Variants in SLC14A2 observed in about 807,000 individuals in gnomAD.
The protein encoded by SLC14A2 is solute carrier family 14 member 2, also known as urea transporter 2.
Under a neutral mutation model 104.6 loss-of-function variants are expected in SLC14A2, and 91 were observed. The ratio of observed to expected loss-of-function variants is 0.87; its 90% CI spans 0.73 to 1.04. The LOEUF is 1.04. SLC14A2 is among the 50% of genes least tolerant of loss of function. The probability of loss-of-function intolerance (pLI) is 0.00; values close to 1 mark genes in which losing one functional copy is unlikely to be tolerated. For missense variants in SLC14A2, 1,189 were observed against 1,156.0 expected (o/e 1.03, Z -0.41); for synonymous variants, 476 against 466.4 (o/e 1.02, Z -0.27).
chr18:45,331,726 A>C (rs1022193575), intron 1 of SLC14A2, among the ~76,000 whole-genome samples: 1 of 152,144 alleles, frequency 6.6e-6, no homozygotes, highest in African/African-American at 2.4e-5. Flanking sequence ...TCAAACATAC[A>C]TAAAATAGAA....
intron 1 of SLC14A2, among the ~76,000 whole-genome samples, chr18:45,241,014 G>T (rs2084310337): frequency 6.6e-6 from 1 of 152,180 alleles, no homozygotes; most frequent in Non-Finnish European, 1.5e-5. Flanking sequence ...TGGCTCTAGA[G>T]ACTTGCTCCT....
intron 1 of SLC14A2, among the ~76,000 whole-genome samples, chr18:45,290,107 A>T (rs2084854847): frequency 9.1e-6 from 1 of 109,648 alleles, no homozygotes; most frequent in Admixed American, 8.5e-5. Flanking sequence ...TTCTTTTGTA[A>T]AAAAAACGTT....
rs2084669761 is a variant in SLC14A2 at position 45,273,301 on chromosome 18, A to G, written c.-125+60110A>G. On this transcript the variant is annotated intron_variant, in intron 1 of 20. Coordinates refer to the SLC14A2 transcript ENST00000586448. ...AATAATTTTCTCAAAATAGTCCCAGAAGTCTTGTAACTGCCTTGTTGGCTC... is the reference window on the plus strand; with the variant it reads ...AATAATTTTCTCAAAATAGTCCCAGGAGTCTTGTAACTGCCTTGTTGGCTC... Among the ~76,000 whole-genome samples, 3 of 152,134 alleles carry G rather than the reference A, an allele frequency of 2.0e-5. No homozygotes were observed. In the South Asian group the frequency reaches 6.2e-4, roughly 31 times the overall value.
chr18:45,256,447 T>A (rs956481180), intron 1 of SLC14A2, among the ~76,000 whole-genome samples: 1 of 152,174 alleles, frequency 6.6e-6, no homozygotes, highest in Non-Finnish European at 1.5e-5. Flanking sequence ...TCCTGATAGG[T>A]GTGTTGTGCA....
At chr18:45,189,406 C>A in the SLC14A2 span, among the ~76,000 whole-genome samples, 1 of 152,240 alleles carries the variant, frequency 6.6e-6, no homozygotes, top group Non-Finnish European at 1.5e-5. Context: ...TGGCTTGTTA[C>A]AATACACCAA....
chr18:45,655,968 G>C (rs2045828728), intron 10 of SLC14A2, among the ~76,000 whole-genome samples: 1 of 152,134 alleles, frequency 6.6e-6, no homozygotes, highest in African/African-American at 2.4e-5. Flanking sequence ...TCAGCTGTGT[G>C]GCCTCAGGTA....
chr18:45,309,513 G>A (rs2085056779), intron 1 of SLC14A2, among the ~76,000 whole-genome samples: 1 of 151,906 alleles, frequency 6.6e-6, no homozygotes, highest in African/African-American at 2.4e-5. Flanking sequence ...TTAAAAAACT[G>A]ACTCAAAGGT....
intron 1 of SLC14A2, among the ~76,000 whole-genome samples, chr18:45,452,587 T>G (rs906197482): frequency 6.6e-6 from 1 of 152,182 alleles, no homozygotes; most frequent in African/African-American, 2.4e-5. Context: ...TGACATTAAT[T>G]TTATGTGTTT....
intron 2 of SLC14A2, among the ~76,000 whole-genome samples, chr18:45,585,052 G>A (rs924406945): frequency 2.0e-5 from 3 of 152,150 alleles, no homozygotes; most frequent in African/African-American, 7.2e-5. Flanking sequence ...GTGGAAATTA[G>A]ATCATGACAC....
chr18:45,639,659 C>A (rs891451030), intron 6 of SLC14A2, 87 bp from the exon 7 acceptor site: 1 of 1,329,968 alleles, frequency 7.5e-7, no homozygotes, highest in African/African-American at 1.4e-5. Flanking sequence ...CCATTACTCC[C>A]CCGAGGAATG....
intron 2 of SLC14A2, among the ~76,000 whole-genome samples, chr18:45,510,825 C>T (rs1323128427): frequency 6.6e-6 from 1 of 152,376 alleles, no homozygotes; most frequent in East Asian, 1.9e-4. Context: ...TTTGCAAAGG[C>T]CACTCACCTC....
chr18:45,349,999 T>A (rs1335295609), intron 1 of SLC14A2, among the ~76,000 whole-genome samples: 1 of 152,236 alleles, frequency 6.6e-6, no homozygotes, highest in East Asian at 1.9e-4. Context: ...GCTTCTACTA[T>A]TTCTCCAACC....
chr18:45,192,642 T>TG, the SLC14A2 span, among the ~76,000 whole-genome samples: 32 of 144,930 alleles, frequency 2.2e-4, 1 homozygote, highest in African/African-American at 6.9e-4. Context: ...GTGTGGTTTT[T>TG]TTTTGTTTTG....
chr18:45,622,070 T>A (rs1158010332), intron 1 of SLC14A2, among the ~76,000 whole-genome samples: 1 of 152,094 alleles, frequency 6.6e-6, no homozygotes, highest in Non-Finnish European at 1.5e-5. Flanking sequence ...GTCAAAGAGG[T>A]AGTTTTCCAT....
At chr18:45,645,351 T>A (rs1262731011) in intron 10 of SLC14A2, among the ~76,000 whole-genome samples, 1 of 151,976 alleles carries the variant, frequency 6.6e-6, no homozygotes, top group Non-Finnish European at 1.5e-5. Context: ...TTTCAGTATA[T>A]ACCTAGTAAT....
intron 10 of SLC14A2, among the ~76,000 whole-genome samples, chr18:45,660,275 C>T (rs12051997): frequency 0.79 from 120,745 of 151,996 alleles, 48,478 homozygotes; most frequent in Middle Eastern, 0.84. Flanking sequence ...CACCATCCTA[C>T]AAAGGTGACA....
intron 2 of SLC14A2, among the ~76,000 whole-genome samples, chr18:45,524,539 C>T (rs538333750): frequency 1.3e-4 from 20 of 152,274 alleles, no homozygotes; most frequent in African/African-American, 3.9e-4. Context: ...AGCCTGATCA[C>T]CTATGGTAGG....
At chr18:45,414,757 A>AAAATATATATATATATATATATATAT (rs1360051908) in intron 1 of SLC14A2, among the ~76,000 whole-genome samples, 1 of 76,124 alleles carries the variant, frequency 1.3e-5, no homozygotes, top group Admixed American at 1.7e-4. Flanking sequence ...AAAAAAAAAA[A>AAAATATATATATATATATATATATAT]ATATATATAT....
intron 16 of SLC14A2, among the ~76,000 whole-genome samples, chr18:45,672,373 T>C (rs2046154529): frequency 6.6e-6 from 1 of 151,912 alleles, no homozygotes; most frequent in African/African-American, 2.4e-5. Context: ...CTACTAAAAA[T>C]ACAACATTAG....
Sources: allele counts gnomAD v4.1 joint callset (sites outside exome capture counted in the v4.1 genomes callset), GRCh38; gene constraint gnomAD v4.1.1; transcripts MANE v1.5; gene names NCBI Gene and HGNC (gene_info 2026-07-23, HGNC 2026-07-21).